Variants in CHL1 observed in about 807,000 individuals in gnomAD.
The protein encoded by CHL1 is neural cell adhesion molecule L1-like protein.
CHL1 carries 96 observed loss-of-function variants against 141.9 expected under a neutral mutation model. That is an observed-to-expected ratio of 0.68 (90% confidence interval 0.57 to 0.80). The LOEUF is 0.80. Among genes scored for constraint, CHL1 ranks in the 30% least tolerant of loss-of-function variants. The pLI, the probability that CHL1 is intolerant of heterozygous loss-of-function variation, is 0.00. For synonymous variants in CHL1, 613 were observed against 502.2 expected (o/e 1.22, Z -2.95); for missense variants, 1,820 against 1,457.2 (o/e 1.25, Z -4.05).
intron 2 of CHL1, among the ~76,000 whole-genome samples, chr3:274,980 T>C (rs1471382775): frequency 6.6e-6 from 1 of 152,248 alleles, no homozygotes; most frequent in African/African-American, 2.4e-5. Flanking sequence ...ATCTCTCTTT[T>C]CTAACTAAGC....
At chr3:230,513 T>C (rs1280271036) in intron 1 of CHL1, among the ~76,000 whole-genome samples, 1 of 152,120 alleles carries the variant, frequency 6.6e-6, no homozygotes, top group African/African-American at 2.4e-5. Context: ...TTTTTTTTTT[T>C]TGACAGAGTG....
rs186218301 is a variant in CHL1, at chr3:377,918, G to A, written c.1852G>A (p.Asp618Asn). Residue 618 changes from aspartate to asparagine, a missense_variant, in exon 16 of 28, where the codon GAT becomes AAT. Coordinates refer to ENST00000256509, the MANE Select transcript of CHL1 (RefSeq NM_006614.4). The part of the protein sequence containing the change: ...SAHTALDSAA[D>N]ITQVTVLDVP... Reference sequence around the variant, plus strand: ...TCATACTGCTCTAGACAGTGCTGCCGATATAACTCAAGTAACTGTTCTTGG... The same window carrying A: ...TCATACTGCTCTAGACAGTGCTGCCAATATAACTCAAGTAACTGTTCTTGG... 189 of 1,609,366 alleles carry A rather than the reference G, an allele frequency of 1.2e-4. No homozygotes were observed. Among genetic ancestry groups the A allele is most frequent in the Non-Finnish European group, 1.4e-4 (170 of 1,178,316 alleles).
chr3:336,373 G>T (rs945886057), intron 5 of CHL1, among the ~76,000 whole-genome samples: 66 of 152,126 alleles, frequency 4.3e-4, no homozygotes, highest in African/African-American at 1.5e-3. Context: ...TTTGGTTTTT[G>T]TTTTTTTCAT....
chr3:331,940 G>A (rs980938254), intron 5 of CHL1, among the ~76,000 whole-genome samples: 1 of 152,182 alleles, frequency 6.6e-6, no homozygotes, highest in Non-Finnish European at 1.5e-5. Flanking sequence ...ATTTTAGATT[G>A]CAATATACAT....
intron 19 of CHL1, among the ~76,000 whole-genome samples, chr3:385,410 A>C (rs1707563683): frequency 6.6e-6 from 1 of 152,170 alleles, no homozygotes; most frequent in Non-Finnish European, 1.5e-5. Flanking sequence ...AGTCATATGG[A>C]AAAAAGGCCA....
In CHL1 at chr3:405,791, T is replaced by C. The variant is rs1186349698; in HGVS notation, c.*80T>C. 2.1e-5 allele frequency: 21 copies of C among 1,016,332 alleles called. 1 individual carries two copies. In the Middle Eastern group the frequency reaches 3.7e-3, roughly 178 times the overall value. The allele number at this position is 1,016,332 out of a possible 1,614,324, so 63.0% of individuals were successfully genotyped here. A position where few individuals can be genotyped will look rare whatever the true frequency, so the allele number is the denominator to read the frequency against. On this transcript the variant is annotated 3_prime_UTR_variant, in exon 28 of 28. Transcript: ENST00000256509. ...GTTCAAAGGAGCAAGAACTTTCATA[T>C]AGGAATAGAAACATGCTGGCCGAAG...
chr3:362,511 C>T (rs867042637), intron 13 of CHL1, among the ~76,000 whole-genome samples: 4 of 152,008 alleles, frequency 2.6e-5, no homozygotes, highest in African/African-American at 9.7e-5. Context: ...ACCTTGCTTA[C>T]TGAGATGTTT....
At chr3:289,701 A>G (rs1481422675) in intron 2 of CHL1, among the ~76,000 whole-genome samples, 1 of 151,842 alleles carries the variant, frequency 6.6e-6, no homozygotes. Flanking sequence ...TAATACATTT[A>G]TTTAATACAT....
At position 360,432 on chromosome 3, in the gene CHL1, T is replaced by C. The variant is rs376872518; in HGVS notation, c.1306+8T>C. 2 of 1,612,812 alleles carry C rather than the reference T, an allele frequency of 1.2e-6. No homozygotes were observed. Among genetic ancestry groups the C allele is most frequent in the African/African-American group, 2.7e-5 (2 of 74,832 alleles). ...CCAATATTGATGTTGTGGGTGAGTG[T>C]GCCTGGGAGCTGACTTAACATGCTA... On this transcript the variant is annotated splice_region_variant and intron_variant, in intron 12 of 27. Coordinates refer to ENST00000256509, the MANE Select transcript of CHL1 (RefSeq NM_006614.4).
In CHL1 at chr3:354,644, T is replaced by C; in HGVS notation, c.1038T>C (p.Pro346=). Residue 346 remains proline (P), a synonymous_variant, in exon 11 of 28, where the codon CCT becomes CCC. Coordinates refer to ENST00000256509, the MANE Select transcript of CHL1 (RefSeq NM_006614.4). ...THDFHVIVEE[P]PRWTKKPQSA... Reference sequence around the variant, plus strand: ...AGCTCTTCACTTTACATCCAGAGCCTCCTCGCTGGACAAAGAAGCCTCAGA... The same window carrying C: ...AGCTCTTCACTTTACATCCAGAGCCCCCTCGCTGGACAAAGAAGCCTCAGA... 6.2e-7 allele frequency: 1 copy of C among 1,611,536 alleles called. No homozygotes were observed. Among genetic ancestry groups the C allele is most frequent in the Non-Finnish European group, 8.5e-7 (1 of 1,178,968 alleles).
chr3:261,256 C>G (rs1694696112), intron 2 of CHL1, among the ~76,000 whole-genome samples: 1 of 151,536 alleles, frequency 6.6e-6, no homozygotes, highest in Admixed American at 6.6e-5. Flanking sequence ...TTTTTACCTC[C>G]AAGTAAAGTA....
Position 394,918 on chromosome 3 carries a change from A to G in CHL1, c.3094+46A>G, listed in dbSNP as rs1299960052. The G allele has an allele frequency of 2.0e-6, 3 of 1,465,190 alleles. No homozygotes were observed. The Admixed American group carries it at 6.9e-5, about 34-fold the overall frequency. The allele number at this position is 1,465,190 out of a possible 1,614,324, so 90.8% of individuals were successfully genotyped here. On this transcript the variant is annotated intron_variant, in intron 24 of 27. Transcript: ENST00000256509. ...TTTTTAATAGAGGCTTTAAAAAGAG[A>G]CTGCATCTTTTTAAACAGCTGCACT...
At chr3:209,375 A>G (rs971819425) in intron 1 of CHL1, among the ~76,000 whole-genome samples, 3 of 152,230 alleles carry the variant, frequency 2.0e-5, no homozygotes, top group African/African-American at 7.2e-5. Flanking sequence ...AAGACTAGAA[A>G]AAGACAACTC....
chr3:296,639 G>A (rs753640465), intron 2 of CHL1, among the ~76,000 whole-genome samples: 1 of 152,184 alleles, frequency 6.6e-6, no homozygotes, highest in Non-Finnish European at 1.5e-5. Flanking sequence ...CAGCCTGAAG[G>A]TTAGATGGTA....
At chr3:246,347 T>C (rs192602187) in intron 2 of CHL1, among the ~76,000 whole-genome samples, 1 of 152,238 alleles carries the variant, frequency 6.6e-6, no homozygotes. Flanking sequence ...CATTCTTTCC[T>C]GTATTTTATT....
intron 2 of CHL1, chr3:308,590 TA>T (rs2124960632): frequency 6.7e-6 from 1 of 150,088 alleles, no homozygotes; most frequent in South Asian, 2.1e-4. Context: ...TATATATAGA[TA>T]ATATCTATAT....
intron 1 of CHL1, among the ~76,000 whole-genome samples, chr3:218,708 TAAA>T: frequency 6.6e-6 from 1 of 152,080 alleles, no homozygotes; most frequent in African/African-American, 2.4e-5. Context: ...AAGAATGACA[TAAA>T]GAACAAAATA....
intron 1 of CHL1, among the ~76,000 whole-genome samples, chr3:220,555 T>C (rs1700743767): frequency 6.6e-6 from 1 of 152,168 alleles, no homozygotes; most frequent in Admixed American, 6.5e-5. Flanking sequence ...ATTTTTGTGA[T>C]ATCTGTCATG....
intron 4 of CHL1, among the ~76,000 whole-genome samples, chr3:327,574 T>A (rs897683054): frequency 1.3e-5 from 2 of 151,992 alleles, no homozygotes; most frequent in African/African-American, 4.8e-5. Context: ...TTTCTCACAA[T>A]ATTGTTCATA....
Sources: allele counts gnomAD v4.1 joint callset (sites outside exome capture counted in the v4.1 genomes callset), GRCh38; gene constraint gnomAD v4.1.1; transcripts MANE v1.5; gene names NCBI Gene and HGNC (gene_info 2026-07-23, HGNC 2026-07-21).